The following EPC2 variants were observed in gnomAD, a reference collection of about 807,000 sequenced individuals.
EPC2 encodes the protein enhancer of polycomb 2, also known as enhancer of polycomb homolog 2.
EPC2 carries 14 observed loss-of-function variants against 92.1 expected under a neutral mutation model. That is an observed-to-expected ratio of 0.15 (90% confidence interval 0.10 to 0.24). The LOEUF (loss-of-function observed/expected upper bound fraction) is 0.24. EPC2 is among the 10% of genes least tolerant of loss of function. The pLI, the probability that EPC2 is intolerant of heterozygous loss-of-function variation, is 1.00. For synonymous variants in EPC2, 340 were observed against 334.7 expected (o/e 1.02, Z -0.17); for missense variants, 755 against 971.5 (o/e 0.78, Z 2.96).
intron 2 of EPC2, among the ~76,000 whole-genome samples, chr2:148,719,209 C>T (rs1391705170): frequency 2.6e-5 from 4 of 152,078 alleles, no homozygotes; most frequent in Admixed American, 6.5e-5. Flanking sequence ...CAGTGAACTT[C>T]GTTGTTACCA....
At chr2:148,663,757 A>T (rs1296492411) in intron 1 of EPC2, among the ~76,000 whole-genome samples, 1 of 151,864 alleles carries the variant, frequency 6.6e-6, no homozygotes. Context: ...AGGGTGGGAG[A>T]TGATGGTTTT....
intron 1 of EPC2, among the ~76,000 whole-genome samples, chr2:148,681,439 A>G (rs1047886213): frequency 3.9e-5 from 6 of 152,238 alleles, no homozygotes; most frequent in African/African-American, 1.4e-4. Flanking sequence ...AATCTCTCAA[A>G]GGCTACATTT....
chr2:148,694,449 A>C (rs1296467699), intron 2 of EPC2, among the ~76,000 whole-genome samples: 3 of 152,206 alleles, frequency 2.0e-5, no homozygotes, highest in Non-Finnish European at 4.4e-5. Context: ...TGAAGGCACA[A>C]AGTCTTTGAT....
chr2:148,719,535 G>T (rs1430474589), intron 2 of EPC2, among the ~76,000 whole-genome samples: 1 of 152,186 alleles, frequency 6.6e-6, no homozygotes, highest in Non-Finnish European at 1.5e-5. Flanking sequence ...AGTTGCTCTG[G>T]TTCTTCCTGT....
rs1683868906 is a variant in EPC2, at chr2:148,786,455, T to C, written c.*78T>C. 4 of 1,148,898 alleles carry C rather than the reference T, an allele frequency of 3.5e-6. No individual in the cohort carries two copies. The highest frequency in any genetic ancestry group is 5.1e-6 in the Non-Finnish European group (4 of 779,122). 71.2% of individuals were successfully genotyped at this position (1,148,898 alleles called of 1,614,324 possible). A position where few individuals can be genotyped will look rare whatever the true frequency, so the allele number is the denominator to read the frequency against. On this transcript the variant is annotated 3_prime_UTR_variant, in exon 14 of 14. Transcript: ENST00000258484. ...CAGCTGAATGCAAAAGGCAACACTC[T>C]GTGGATCACAGAGTGTAACAATGGA...
intron 6 of EPC2, among the ~76,000 whole-genome samples, chr2:148,764,149 T>G (rs957258594): frequency 3.9e-5 from 6 of 152,236 alleles, no homozygotes; most frequent in Non-Finnish European, 7.3e-5. Context: ...TTTCAAGCAA[T>G]ATTTTTATTG....
intron 13 of EPC2, among the ~76,000 whole-genome samples, chr2:148,785,657 G>A (rs1417011111): frequency 6.6e-6 from 1 of 152,106 alleles, no homozygotes; most frequent in Non-Finnish European, 1.5e-5. Flanking sequence ...CTGGAAGATG[G>A]GAGTTGTTAT....
rs189181566 is a variant in EPC2, at chr2:148,690,712, G to T, written c.313+339G>T. On this transcript the variant is annotated intron_variant, in intron 2 of 13. Coordinates refer to ENST00000258484, the MANE Select transcript of EPC2 (RefSeq NM_015630.4). Reference sequence around the variant, plus strand: ...CAGAGTCTCTCTGTTACCCAGGCTGGAGTGCAGTGGCATGATCTTGGCTCA... The same window carrying T: ...CAGAGTCTCTCTGTTACCCAGGCTGTAGTGCAGTGGCATGATCTTGGCTCA... Among the ~76,000 whole-genome samples the T allele has an allele frequency of 4.3e-3, 656 of 152,034 alleles. 2 individuals carry two copies. Among genetic ancestry groups the T allele is most frequent in the Non-Finnish European group, 7.3e-3 (493 of 67,960 alleles).
chr2:148,771,869 G>T (rs541942251), intron 10 of EPC2, among the ~76,000 whole-genome samples: 1 of 151,446 alleles, frequency 6.6e-6, no homozygotes, highest in African/African-American at 2.4e-5. Flanking sequence ...CTTAATCTCA[G>T]CTCACTGCAA....
intron 2 of EPC2, among the ~76,000 whole-genome samples, chr2:148,723,742 T>C (rs1038811091): frequency 6.6e-6 from 1 of 152,228 alleles, no homozygotes; most frequent in Non-Finnish European, 1.5e-5. Context: ...GTTTAGACTT[T>C]TTTCCATATC....
intron 1 of EPC2, among the ~76,000 whole-genome samples, chr2:148,651,807 T>C (rs991224512): frequency 1.3e-5 from 2 of 152,188 alleles, no homozygotes; most frequent in African/African-American, 4.8e-5. Flanking sequence ...GGTTTAGAGT[T>C]GATTTTAAGA....
chr2:148,649,308 A>G (rs1051787795), intron 1 of EPC2, among the ~76,000 whole-genome samples: 3 of 152,212 alleles, frequency 2.0e-5, no homozygotes, highest in Non-Finnish European at 4.4e-5. Context: ...AACATTTCCA[A>G]CATTGGAGAA....
intron 2 of EPC2, among the ~76,000 whole-genome samples, chr2:148,725,816 A>T (rs1161501105): frequency 3.9e-5 from 6 of 152,178 alleles, no homozygotes; most frequent in Non-Finnish European, 8.8e-5. Context: ...ATTGTGGTAA[A>T]ATATACATAA....
intron 1 of EPC2, among the ~76,000 whole-genome samples, chr2:148,675,518 A>T (rs532916779): frequency 6.6e-6 from 1 of 152,290 alleles, no homozygotes; most frequent in South Asian, 2.1e-4. Flanking sequence ...TATTCACAAC[A>T]TTCTTAGTTT....
At chr2:148,770,674 C>G (rs1683498948) in intron 8 of EPC2, 118 bp from the exon 9 acceptor site, 1 of 1,149,210 alleles carries the variant, frequency 8.7e-7, no homozygotes, top group Admixed American at 3.5e-5. Flanking sequence ...AGTTTTATAT[C>G]TAGATTTTAA....
intron 1 of EPC2, among the ~76,000 whole-genome samples, chr2:148,651,392 C>G (rs56049544): frequency 0.01 from 1,523 of 152,262 alleles, 25 homozygotes; most frequent in African/African-American, 0.034. Flanking sequence ...CTGTCTTCCC[C>G]TTCATTTTAT....
At chr2:148,703,598 G>A (rs377148240) in intron 2 of EPC2, among the ~76,000 whole-genome samples, 2 of 152,064 alleles carry the variant, frequency 1.3e-5, no homozygotes, top group East Asian at 3.9e-4. Flanking sequence ...GTGTGATCAT[G>A]GTTCACTGCA....
Position 148,666,503 on chromosome 2 carries a change from A to G in EPC2, c.153+21333A>G, listed in dbSNP as rs527693963. ...GCATACCGATACTTTTGTCAGGTACAATAAAAATACAGAAAAATTAAAGAT... is the reference window on the plus strand; with the variant it reads ...GCATACCGATACTTTTGTCAGGTACGATAAAAATACAGAAAAATTAAAGAT... On this transcript the variant is annotated intron_variant, in intron 1 of 13. Transcript: ENST00000258484. Among the ~76,000 whole-genome samples the G allele has an allele frequency of 1.6e-4, 25 of 152,370 alleles. No homozygotes were observed. In the East Asian group the frequency reaches 1.9e-3, roughly 12 times the overall value.
At chr2:148,729,291 A>G (rs1682571181) in intron 2 of EPC2, among the ~76,000 whole-genome samples, 1 of 152,148 alleles carries the variant, frequency 6.6e-6, no homozygotes, top group African/African-American at 2.4e-5. Flanking sequence ...CTGACAGGTG[A>G]AAAATTACAT....
Sources: allele counts gnomAD v4.1 joint callset (sites outside exome capture counted in the v4.1 genomes callset), GRCh38; gene constraint gnomAD v4.1.1; transcripts MANE v1.5; gene names NCBI Gene and HGNC (gene_info 2026-07-23, HGNC 2026-07-21).